Variants in VAMP7 observed in about 807,000 individuals in gnomAD.
VAMP7 encodes vesicle associated membrane protein 7.
VAMP7 carries 14 observed loss-of-function variants against 29.6 expected under a neutral mutation model. The ratio of observed to expected loss-of-function variants is 0.47; its 90% CI spans 0.31 to 0.74. VAMP7 has a LOEUF of 0.74. Among genes scored for constraint, VAMP7 ranks in the 30% least tolerant of loss-of-function variants. VAMP7 has a pLI of 0.05. For missense variants in VAMP7, 223 were observed against 262.4 expected (o/e 0.85, Z 1.04); for synonymous variants, 95 against 88.1 (o/e 1.08, Z -0.44).
At chrX:155,939,390 A>G (rs763576193) in intron 6 of VAMP7, among the ~76,000 whole-genome samples, 3 of 152,278 alleles carry the variant, frequency 2.0e-5, no homozygotes, top group Non-Finnish European at 4.4e-5. Flanking sequence ...AGCCTTTCTT[A>G]TTGGAAGTAT....
At chrX:155,917,370 A>T (rs1371916704) in intron 5 of VAMP7, among the ~76,000 whole-genome samples, 2 of 151,886 alleles carry the variant, frequency 1.3e-5, no homozygotes, top group African/African-American at 4.8e-5. Flanking sequence ...CAATTTGTCA[A>T]ACTCATTCTC....
intron 6 of VAMP7, among the ~76,000 whole-genome samples, chrX:155,922,122 T>A (rs2066404928): frequency 6.6e-6 from 1 of 152,064 alleles, no homozygotes; most frequent in Non-Finnish European, 1.5e-5. Flanking sequence ...TATATGGAAA[T>A]AAAGTTGGTT....
chrX:155,932,581 G>A (rs150461623), intron 6 of VAMP7, among the ~76,000 whole-genome samples: 1 of 152,148 alleles, frequency 6.6e-6, no homozygotes, highest in Admixed American at 6.5e-5. Flanking sequence ...TGCTGGAGTT[G>A]CTTATCAGCT....
chrX:155,936,364 G>A (rs1482148230), intron 6 of VAMP7, among the ~76,000 whole-genome samples: 3 of 152,210 alleles, frequency 2.0e-5, no homozygotes, highest in African/African-American at 7.2e-5. Context: ...GAGCTTCCCG[G>A]CAGCTTTGTT....
chrX:155,934,720 T>C (rs1265483661), intron 6 of VAMP7, among the ~76,000 whole-genome samples: 2 of 152,194 alleles, frequency 1.3e-5, no homozygotes, highest in South Asian at 2.1e-4. Flanking sequence ...GATACTGTTA[T>C]GTGTGAATTT....
intron 1 of VAMP7, among the ~76,000 whole-genome samples, chrX:155,887,955 AAAAG>A (rs1462748666): frequency 1.3e-5 from 2 of 149,728 alleles, no homozygotes; most frequent in African/African-American, 2.4e-5. Flanking sequence ...AAAAAAAAAG[AAAAG>A]AAACAGAACA....
chrX:155,882,793 C>T (rs1335107153), intron 1 of VAMP7, among the ~76,000 whole-genome samples: 1 of 152,086 alleles, frequency 6.6e-6, no homozygotes, highest in Non-Finnish European at 1.5e-5. Flanking sequence ...CTCATTTATT[C>T]AACAGATATT....
intron 6 of VAMP7, among the ~76,000 whole-genome samples, chrX:155,935,283 C>T (rs188810410): frequency 6.6e-6 from 1 of 152,226 alleles, no homozygotes; most frequent in African/African-American, 2.4e-5. Flanking sequence ...TGGCTAATAT[C>T]CTGCAGAGTG....
rs2066715142 is a variant in VAMP7, at chrX:155,939,698, T to C, written c.502-3T>C. The C allele has an allele frequency of 1.2e-6, 2 of 1,612,934 alleles. No homozygotes were observed. The highest frequency in any genetic ancestry group is 1.7e-5 in the Admixed American group (1 of 59,994). Reference sequence around the variant, plus strand: ...GGTTAAACAATTCTCGCCTCTTTTCTAGTCTGTCACCTTCAAAACTACCAG... The same window carrying C: ...GGTTAAACAATTCTCGCCTCTTTTCCAGTCTGTCACCTTCAAAACTACCAG... On this transcript the variant is annotated splice_region_variant and splice_polypyrimidine_tract_variant and intron_variant, in intron 6 of 7. Transcript: ENST00000286448.
At chrX:155,886,254 C>T (rs1404559460) in intron 1 of VAMP7, among the ~76,000 whole-genome samples, 3 of 152,080 alleles carry the variant, frequency 2.0e-5, no homozygotes, top group African/African-American at 7.2e-5. Flanking sequence ...TTTCTGTTAT[C>T]CCAATACTCA....
intron 6 of VAMP7, among the ~76,000 whole-genome samples, chrX:155,936,322 C>A (rs2066655137): frequency 6.6e-6 from 1 of 152,168 alleles, no homozygotes; most frequent in Non-Finnish European, 1.5e-5. Flanking sequence ...GCAGGCAGGC[C>A]TCCTTGAGCT....
At chrX:155,918,907 T>C (rs926060057) in intron 5 of VAMP7, among the ~76,000 whole-genome samples, 1 of 152,218 alleles carries the variant, frequency 6.6e-6, no homozygotes, top group African/African-American at 2.4e-5. Context: ...CATTGAATCA[T>C]CATTGCATCC....
chrX:155,887,285 G>A (rs1412466758), intron 1 of VAMP7, among the ~76,000 whole-genome samples: 1 of 151,894 alleles, frequency 6.6e-6, no homozygotes, highest in Non-Finnish European at 1.5e-5. Flanking sequence ...GTTTAAAATG[G>A]CAGATCTAAC....
chrX:155,881,693 A>G, intron 1 of VAMP7, among the ~76,000 whole-genome samples: 1 of 152,214 alleles, frequency 6.6e-6, no homozygotes, highest in East Asian at 1.9e-4. Context: ...TACAGGAGGG[A>G]AAAAATGTTA....
intron 6 of VAMP7, among the ~76,000 whole-genome samples, chrX:155,928,395 G>A (rs747223209): frequency 2.0e-5 from 3 of 152,210 alleles, no homozygotes; most frequent in South Asian, 4.2e-4. Context: ...CAGTTTAACT[G>A]GGCTGAAATT....
chrX:155,913,853 T>A (rs1229077411), intron 5 of VAMP7, among the ~76,000 whole-genome samples: 1 of 152,172 alleles, frequency 6.6e-6, no homozygotes, highest in African/African-American at 2.4e-5. Flanking sequence ...CTTGGCTATG[T>A]GGGCTCTTTT....
rs140015480 is a variant in VAMP7 at position 155,913,648 on chromosome X, G to C, written c.434-6165G>C. On this transcript the variant is annotated intron_variant, in intron 5 of 7. Coordinates refer to ENST00000286448, the MANE Select transcript of VAMP7 (RefSeq NM_005638.6). ...ATAGGGAATCCTTTCCCCATTGCTT[G>C]TTTTTGTCAGGTTTGTCAAAGATCA... 7.3e-3 allele frequency among the ~76,000 whole-genome samples: 1,112 copies of C among 152,200 alleles called. 19 individuals are homozygous for C. The highest frequency in any genetic ancestry group is 0.026 in the African/African-American group (1,069 of 41,526).
At chrX:155,902,889 G>A (rs1429577446) in intron 5 of VAMP7, among the ~76,000 whole-genome samples, 6 of 151,444 alleles carry the variant, frequency 4.0e-5, no homozygotes, top group Non-Finnish European at 7.4e-5. Flanking sequence ...TTCATAAAAT[G>A]AGTTAGGGAG....
intron 3 of VAMP7, among the ~76,000 whole-genome samples, chrX:155,896,117 C>T (rs756068206): frequency 8.1e-4 from 123 of 152,238 alleles, no homozygotes; most frequent in Middle Eastern, 3.4e-3. Flanking sequence ...AAACGTGATG[C>T]GAACTTTACA....
Sources: allele counts gnomAD v4.1 joint callset (sites outside exome capture counted in the v4.1 genomes callset), GRCh38; gene constraint gnomAD v4.1.1; transcripts MANE v1.5; gene names NCBI Gene and HGNC (gene_info 2026-07-23, HGNC 2026-07-21).